Variants in LRRC49 observed in about 807,000 individuals in gnomAD.
LRRC49 encodes the protein leucine-rich repeat-containing protein 49.
A neutral mutation model predicts 83.3 loss-of-function variants in LRRC49; 50 were observed. The observed-to-expected ratio is 0.60, with a 90% confidence interval of 0.48 to 0.76. The LOEUF (loss-of-function observed/expected upper bound fraction) is 0.76, where lower values mean the gene tolerates loss of function less well. Ranked by LOEUF, LRRC49 falls within the 30% of genes least tolerant of loss-of-function variation. LRRC49 has a pLI of 0.00. For missense variants in LRRC49, 704 were observed against 809.1 expected (o/e 0.87, Z 1.58); for synonymous variants, 286 against 283.3 (o/e 1.01, Z -0.10).
chr15:70,962,230 G>C (rs2036626793), intron 8 of LRRC49, among the ~76,000 whole-genome samples: 1 of 152,196 alleles, frequency 6.6e-6, no homozygotes, highest in Non-Finnish European at 1.5e-5. Context: ...ATAAGCAAGG[G>C]AAGGAGGCTA....
chr15:70,984,777 C>A, intron 11 of LRRC49, among the ~76,000 whole-genome samples: 1 of 110,734 alleles, frequency 9.0e-6, no homozygotes, highest in Non-Finnish European at 1.8e-5. Context: ...TATCCCTCCC[C>A]CCTCCCCCCA....
chr15:70,982,984 C>T (rs1418267524), intron 10 of LRRC49, among the ~76,000 whole-genome samples: 1 of 152,188 alleles, frequency 6.6e-6, no homozygotes, highest in Non-Finnish European at 1.5e-5. Context: ...AATCTTCCTA[C>T]TAGCCTTCTG....
At chr15:70,917,664 C>A (rs2034838748) in intron 6 of LRRC49, among the ~76,000 whole-genome samples, 1 of 152,184 alleles carries the variant, frequency 6.6e-6, no homozygotes, top group African/African-American at 2.4e-5. Flanking sequence ...AGGAGCTACC[C>A]TCTCTGCTAG....
chr15:70,958,169 G>T (rs2036470222), intron 8 of LRRC49, among the ~76,000 whole-genome samples: 1 of 152,042 alleles, frequency 6.6e-6, no homozygotes, highest in South Asian at 2.1e-4. Flanking sequence ...TACTACCTTG[G>T]TTTTTGACAT....
At chr15:70,998,221 C>T (rs564424901) in intron 11 of LRRC49, among the ~76,000 whole-genome samples, 374 of 152,244 alleles carry the variant, frequency 2.5e-3, no homozygotes, top group Non-Finnish European at 3.6e-3. Context: ...GAATTACCAC[C>T]TTAAAAATTC....
At chr15:70,868,300 G>A (rs1173173099) in intron 1 of LRRC49, among the ~76,000 whole-genome samples, 1 of 152,232 alleles carries the variant, frequency 6.6e-6, no homozygotes, top group Non-Finnish European at 1.5e-5. Context: ...CTATGACAGT[G>A]TAATACGTTA....
chr15:70,926,275 C>T (rs2141141864), intron 7 of LRRC49, among the ~76,000 whole-genome samples: 1 of 152,190 alleles, frequency 6.6e-6, no homozygotes, highest in Admixed American at 6.5e-5. Flanking sequence ...GATAGGGTCT[C>T]ATTATGTTGC....
chr15:70,881,696 C>T (rs181381333), intron 2 of LRRC49: 21 of 152,284 alleles, frequency 1.4e-4, no homozygotes, highest in African/African-American at 4.8e-4. Context: ...AAATACCTAA[C>T]ACCTGCAATG....
chr15:70,927,268 T>C (rs2141143418), intron 7 of LRRC49, among the ~76,000 whole-genome samples: 1 of 152,372 alleles, frequency 6.6e-6, no homozygotes, highest in Admixed American at 6.5e-5. Flanking sequence ...TTACTAATGA[T>C]GCTGAACATC....
intron 3 of LRRC49, chr15:70,898,575 G>T: frequency 1.9e-6 from 1 of 529,780 alleles, no homozygotes; most frequent in East Asian, 3.1e-5. Flanking sequence ...AGGAGTTCAA[G>T]ACCCCATCTT....
intron 14 of LRRC49, 25 bp from the exon 15 acceptor site, chr15:71,037,154 A>G (rs1239642183): frequency 2.6e-6 from 4 of 1,559,220 alleles, no homozygotes; most frequent in Non-Finnish European, 2.6e-6. Flanking sequence ...GTAACTCTCT[A>G]AATCTCTTTA....
intron 9 of LRRC49, among the ~76,000 whole-genome samples, chr15:70,969,951 A>G (rs1031641436): frequency 4.6e-5 from 7 of 152,116 alleles, no homozygotes; most frequent in Non-Finnish European, 8.8e-5. Context: ...CTGTCTTCCT[A>G]TCTGAATACC....
chr15:71,037,474 G>A lies in LRRC49; in HGVS notation c.1857+142G>A, dbSNP rs1167215484. On this transcript the variant is annotated intron_variant, in intron 15 of 15. Transcript: ENST00000260382. ...GTCAACCTTATATTACAAAGCCAGGGACAGTAGGTACCCAGGCAATTAGGG... is the reference window on the plus strand; with the variant it reads ...GTCAACCTTATATTACAAAGCCAGGAACAGTAGGTACCCAGGCAATTAGGG... The A allele has an allele frequency of 5.0e-6, 3 of 603,424 alleles. No homozygotes were observed. In the African/African-American group the frequency reaches 5.7e-5, roughly 11 times the overall value. 37.4% of individuals were successfully genotyped at this position (603,424 alleles called of 1,614,324 possible).
chr15:70,884,583 T>TCA (rs2033355241), intron 2 of LRRC49, among the ~76,000 whole-genome samples: 1 of 151,834 alleles, frequency 6.6e-6, no homozygotes, highest in Non-Finnish European at 1.5e-5. Flanking sequence ...GAAATTCCTG[T>TCA]GAAGAGTCCC....
At chr15:70,965,906 T>A (rs578175208) in intron 9 of LRRC49, among the ~76,000 whole-genome samples, 7 of 152,258 alleles carry the variant, frequency 4.6e-5, no homozygotes, top group Non-Finnish European at 8.8e-5. Flanking sequence ...GTACCTTTTT[T>A]AAGGACTTTT....
rs1188667554 is a variant in LRRC49, at chr15:70,963,925, G to C, written c.914G>C (p.Arg305Thr). ...CAGCTGCGCCAGCTAGATATGAAGAGAATCACGGTGAGAACCCTTCCAAAG... is the reference window on the plus strand; with the variant it reads ...CAGCTGCGCCAGCTAGATATGAAGACAATCACGGTGAGAACCCTTCCAAAG... ...MMQLRQLDMK[R>T]ITEEERRMAS... The change falls in exon 9 of 16, where the codon AGA (arginine) becomes ACA (threonine). Residue 305 changes from arginine to threonine, a missense_variant. Physicochemically the swap from Arg to Thr is moderately conservative, Grantham distance 71 (BLOSUM62 -1). Transcript: ENST00000260382. The C allele has an allele frequency of 5.0e-6, 8 of 1,612,808 alleles. No individual in the cohort carries two copies. The highest frequency in any genetic ancestry group is 1.7e-5 in the Admixed American group (1 of 59,912).
intron 11 of LRRC49, among the ~76,000 whole-genome samples, chr15:71,005,125 T>C (rs1378509538): frequency 6.6e-6 from 1 of 152,174 alleles, no homozygotes; most frequent in Non-Finnish European, 1.5e-5. Context: ...CTGTGTCAGG[T>C]TTGCGCATGT....
intron 8 of LRRC49, among the ~76,000 whole-genome samples, chr15:70,940,405 C>T (rs1342280684): frequency 1.3e-5 from 2 of 152,034 alleles, no homozygotes; most frequent in Admixed American, 6.5e-5. Flanking sequence ...TACAGGCGCC[C>T]GCCACCATGC....
intron 8 of LRRC49, among the ~76,000 whole-genome samples, chr15:70,947,777 T>G (rs1469082761): frequency 1.3e-5 from 2 of 152,180 alleles, no homozygotes; most frequent in African/African-American, 4.8e-5. Context: ...GAAGCACTGC[T>G]GCAGAGGATT....
Sources: gnomAD v4.1 joint callset for allele counts (sites outside exome capture counted in the v4.1 genomes callset) on GRCh38, gnomAD v4.1.1 for gene constraint, MANE v1.5 for transcripts, NCBI Gene and HGNC (gene_info 2026-07-23, HGNC 2026-07-21) for gene names.